KLHL32: variants seen among roughly 807,000 people sequenced by gnomAD.
KLHL32 encodes the protein kelch-like protein 32.
In KLHL32, 35 loss-of-function variants were observed where a neutral mutation model predicts 64.8. That is an observed-to-expected ratio of 0.54 (90% CI 0.41 to 0.72). The LOEUF (loss-of-function observed/expected upper bound fraction) is 0.72, where lower values mean the gene tolerates loss of function less well. Ranked by LOEUF, KLHL32 falls within the 30% of genes least tolerant of loss-of-function variation. The pLI is 0.00. For synonymous variants in KLHL32, 259 were observed against 281.0 expected (o/e 0.92, Z 0.78); for missense variants, 589 against 768.5 (o/e 0.77, Z 2.76).
In KLHL32 at chr6:96,999,209, G is replaced by A. The variant is rs532931033; in HGVS notation, c.204+23032G>A. Among the ~76,000 whole-genome samples the A allele has an allele frequency of 2.0e-5, 3 of 152,132 alleles. No individual in the cohort carries two copies. In the South Asian group the frequency reaches 6.2e-4, roughly 32 times the overall value. ...CCAGGAGTTCAAGACCAGCCTATGC[G>A]ACATAGGGACACCCCATCTCTACAA... On this transcript the variant is annotated intron_variant, in intron 3 of 10. Transcript: ENST00000369261.
intron 4 of KLHL32, among the ~76,000 whole-genome samples, chr6:97,061,605 C>T (rs1788912594): frequency 6.6e-6 from 1 of 152,116 alleles, no homozygotes; most frequent in Admixed American, 6.5e-5. Context: ...CCTATCTGTC[C>T]TGGTTTGAGT....
intron 1 of KLHL32, among the ~76,000 whole-genome samples, chr6:96,938,529 C>CT (rs554066338): frequency 9.9e-5 from 15 of 152,144 alleles, no homozygotes; most frequent in Non-Finnish European, 2.1e-4. Context: ...CCCTGATGAC[C>CT]AGTGGTATTA....
chr6:96,964,228 C>T (rs1774183121), intron 1 of KLHL32, among the ~76,000 whole-genome samples: 1 of 152,112 alleles, frequency 6.6e-6, no homozygotes, highest in Non-Finnish European at 1.5e-5. Flanking sequence ...GGGAAAACAG[C>T]CTTGGGTTAA....
intron 4 of KLHL32, among the ~76,000 whole-genome samples, chr6:97,052,350 T>C (rs1340129757): frequency 2.6e-5 from 4 of 152,216 alleles, no homozygotes; most frequent in Non-Finnish European, 2.9e-5. Context: ...TTTTCCAAAA[T>C]AATGAACAAC....
intron 3 of KLHL32, among the ~76,000 whole-genome samples, chr6:97,019,107 T>G (rs1781635445): frequency 6.6e-6 from 1 of 152,234 alleles, no homozygotes; most frequent in South Asian, 2.1e-4. Flanking sequence ...CCTCCTATCA[T>G]ATACTTGCAA....
At chr6:96,900,794 G>C in the KLHL32 span, among the ~76,000 whole-genome samples, 1 of 152,336 alleles carries the variant, frequency 6.6e-6, no homozygotes, top group Middle Eastern at 3.4e-3. Context: ...TCAACCACTA[G>C]TGAGGAGCAC....
At chr6:96,917,107 G>A in the KLHL32 span, among the ~76,000 whole-genome samples, 27 of 152,116 alleles carry the variant, frequency 1.8e-4, no homozygotes, top group Non-Finnish European at 2.5e-4. Flanking sequence ...TTTTGAAGAC[G>A]GGCATATTAG....
In KLHL32 at chr6:97,055,796, T is replaced by TAAAAAA. The variant is rs750242567; in HGVS notation, c.313-8811_313-8806dup. Among the ~76,000 whole-genome samples the TAAAAAA allele has an allele frequency of 7.7e-3, 620 of 80,928 alleles. 87 individuals carry two copies. The highest frequency in any genetic ancestry group is 0.015 in the South Asian group (31 of 2,008). 53.1% of individuals were successfully genotyped at this position (80,928 alleles called of 152,430 possible). ...CGAGGTAACAGACTGAGAACCTGTC[T>TAAAAAA]AAAAAAAAAAAAAAAAAAAAAAAAA... On this transcript the variant is annotated intron_variant, in intron 4 of 10. Coordinates refer to ENST00000369261, the MANE Select transcript of KLHL32 (RefSeq NM_052904.4).
intron 7 of KLHL32, among the ~76,000 whole-genome samples, chr6:97,119,285 G>A (rs1213630249): frequency 6.6e-6 from 1 of 152,066 alleles, no homozygotes; most frequent in African/African-American, 2.4e-5. Context: ...TCCTTCACTG[G>A]CTGGAACTTC....
chr6:97,137,875 T>C (rs1800215757), intron 10 of KLHL32, among the ~76,000 whole-genome samples: 2 of 152,104 alleles, frequency 1.3e-5, no homozygotes, highest in Admixed American at 6.5e-5. Flanking sequence ...AGGTGATAGA[T>C]GAAGGCATGA....
At chr6:97,002,829 A>T (rs961828477) in intron 3 of KLHL32, among the ~76,000 whole-genome samples, 2 of 152,198 alleles carry the variant, frequency 1.3e-5, no homozygotes, top group Non-Finnish European at 1.5e-5. Context: ...GGTTACACAA[A>T]AAAGAATAGT....
At chr6:96,980,925 A>T (rs1776229021) in intron 3 of KLHL32, among the ~76,000 whole-genome samples, 1 of 151,474 alleles carries the variant, frequency 6.6e-6, no homozygotes, top group Non-Finnish European at 1.5e-5. Flanking sequence ...ACCTCAATAA[A>T]CTTACAATCA....
chr6:97,113,987 C>A lies in KLHL32; in HGVS notation c.832C>A (p.Gln278Lys). 2 of 1,614,238 alleles carry A rather than the reference C, an allele frequency of 1.2e-6. No homozygotes were observed. The highest frequency in any genetic ancestry group is 1.7e-6 in the Non-Finnish European group (2 of 1,180,046). Residue 278 changes from glutamine to lysine, a missense_variant, in exon 7 of 11, where the codon CAG becomes AAG. By Grantham distance (53) the Gln-to-Lys change is moderately conservative. This residue lies in a region of KLHL32 where 226 missense variants were observed against 353.2 expected (regional missense o/e 0.64). Coordinates refer to ENST00000369261, the MANE Select transcript of KLHL32 (RefSeq NM_052904.4). The stretch of plus-strand genomic sequence containing the variant: ...GAGCATCTATGCACAGCCTGTCTGG[C>A]AGACTCGCAGGACCAAACCACGATT... ...HQSIYAQPVWQTRRTKPRFQS... is the reference protein window; with the variant it reads ...HQSIYAQPVWKTRRTKPRFQS...
At chr6:97,038,912 G>A (rs1232040873) in intron 3 of KLHL32, among the ~76,000 whole-genome samples, 2 of 151,548 alleles carry the variant, frequency 1.3e-5, no homozygotes, top group Admixed American at 1.3e-4. Flanking sequence ...CCAACATGGT[G>A]AAACCCCGCT....
Position 96,976,024 on chromosome 6 carries a change from G to A in KLHL32, c.51G>A (p.Arg17=), listed in dbSNP as rs1033792744. 16 of 1,591,434 alleles carry A rather than the reference G, an allele frequency of 1.0e-5. No individual in the cohort carries two copies. Among genetic ancestry groups the A allele is most frequent in the Non-Finnish European group, 1.4e-5 (16 of 1,163,828 alleles). Residue 17 remains arginine (R), a synonymous_variant, in exon 3 of 11, where the codon AGG becomes AGA. Coordinates refer to ENST00000369261, the MANE Select transcript of KLHL32 (RefSeq NM_052904.4). ...TTCAAGAAATGCTGACAGGCCAGAG[G>A]CTCTGCCACTCCGAATCTCACAATG... ...LSIQEMLTGQ[R]LCHSESHNDS...
At chr6:97,114,713 T>G in intron 7 of KLHL32, 1 of 635,482 alleles carries the variant, frequency 1.6e-6, no homozygotes, top group Non-Finnish European at 2.7e-6. Context: ...ACTTTCTGAG[T>G]GACTAATGGA....
At chr6:97,012,009 AT>A (rs10707730) in intron 3 of KLHL32, among the ~76,000 whole-genome samples, 21,769 of 152,132 alleles carry the variant, frequency 0.14, 2,953 homozygotes, top group African/African-American at 0.33. Flanking sequence ...TAAACATTGA[AT>A]TAATTTGTAA....
At chr6:96,900,692 C>T in the KLHL32 span, among the ~76,000 whole-genome samples, 1 of 152,228 alleles carries the variant, frequency 6.6e-6, no homozygotes, top group Non-Finnish European at 1.5e-5. Flanking sequence ...CAACAGCATT[C>T]TGCGTTCTCC....
At chr6:97,068,615 C>G (rs1450745854) in intron 5 of KLHL32, among the ~76,000 whole-genome samples, 1 of 152,180 alleles carries the variant, frequency 6.6e-6, no homozygotes, top group African/African-American at 2.4e-5. Flanking sequence ...ACAGGAAATA[C>G]AGTTTTGTCT....
Sources: allele counts gnomAD v4.1 joint callset (sites outside exome capture counted in the v4.1 genomes callset), GRCh38; gene constraint gnomAD v4.1.1; regional missense constraint gnomAD v4.1.1; transcripts MANE v1.5; gene names NCBI Gene and HGNC (gene_info 2026-07-23, HGNC 2026-07-21).